ERBB3: variants seen among roughly 807,000 people sequenced by gnomAD.
ERBB3 encodes the protein receptor tyrosine-protein kinase erbB-3.
A neutral mutation model predicts 156.7 loss-of-function variants in ERBB3; 96 were observed. The observed-to-expected ratio is 0.61, with a 90% confidence interval of 0.52 to 0.73. ERBB3 has a LOEUF of 0.73. ERBB3 is among the 30% of genes least tolerant of loss of function. ERBB3 has a pLI of 0.00. For synonymous variants in ERBB3, 567 were observed against 632.0 expected (o/e 0.90, Z 1.54); for missense variants, 1,406 against 1,709.4 (o/e 0.82, Z 3.13).
rs894723270 is a variant in ERBB3 at position 56,102,490 on chromosome 12, C to T, written c.*435C>T. 4.0e-6 allele frequency: 1 copy of T among 251,572 alleles called. No homozygotes were observed. The highest frequency in any genetic ancestry group is 5.8e-5 in the East Asian group (1 of 17,240). The allele number at this position is 251,572 out of a possible 1,614,324, so 15.6% of individuals were successfully genotyped here. ...GAAAGTGTAATTTTGGTTTATGACT[C>T]TTAACCCCCTAGAAAGACAGAAGCT... On this transcript the variant is annotated 3_prime_UTR_variant, in exon 28 of 28. Coordinates refer to ENST00000267101, the MANE Select transcript of ERBB3 (RefSeq NM_001982.4).
intron 9 of ERBB3, among the ~76,000 whole-genome samples, chr12:56,090,493 AATT>A (rs1321108391): frequency 1.3e-5 from 2 of 152,006 alleles, no homozygotes; most frequent in African/African-American, 4.8e-5. Flanking sequence ...AAAATACAAA[AATT>A]AGCTGGGCGT....
intron 7 of ERBB3, 114 bp from the exon 8 acceptor site, chr12:56,088,429 T>C (rs937962577): frequency 1.0e-4 from 94 of 924,578 alleles, no homozygotes; most frequent in Middle Eastern, 2.5e-4. Context: ...GGGTGGCAGA[T>C]GGGGACAAAT....
chr12:56,080,433 A>G (rs777444727), intron 1 of ERBB3, 51 bp downstream of exon 1: 8 of 1,423,482 alleles, frequency 5.6e-6, no homozygotes, highest in Non-Finnish European at 7.8e-6. Flanking sequence ...GCCGGAACCC[A>G]GTGCGCGCAG....
At chr12:56,086,063 CAAAAAA>C (rs56926853) in intron 3 of ERBB3, among the ~76,000 whole-genome samples, 4 of 89,420 alleles carry the variant, frequency 4.5e-5, no homozygotes, top group Admixed American at 3.9e-4. Context: ...AGCGAGACTC[CAAAAAA>C]AAAAAAAAAA....
chr12:56,091,856 A>G (rs1868724068), intron 9 of ERBB3, among the ~76,000 whole-genome samples: 1 of 152,128 alleles, frequency 6.6e-6, no homozygotes. Context: ...ATAGTTGCCA[A>G]ATGATAATTT....
At position 56,093,205 on chromosome 12, in the gene ERBB3, C is replaced by T. The variant is rs112882897; in HGVS notation, c.1274+129C>T. The T allele has an allele frequency of 7.8e-5, 91 of 1,165,948 alleles. No homozygotes were observed. The African/African-American group carries it at 9.5e-4, about 12-fold the overall frequency. The allele number at this position is 1,165,948 out of a possible 1,614,324, so 72.2% of individuals were successfully genotyped here. ...AAAACCAAAGGGTTTCAGAGTTTCACGAGGAAAAGGCAAAAGGAGGGGGAT... is the reference window on the plus strand; with the variant it reads ...AAAACCAAAGGGTTTCAGAGTTTCATGAGGAAAAGGCAAAAGGAGGGGGAT... On this transcript the variant is annotated intron_variant, in intron 11 of 27. Coordinates refer to ENST00000267101, the MANE Select transcript of ERBB3 (RefSeq NM_001982.4).
chr12:56,097,109 G>T lies in ERBB3; in HGVS notation c.2339G>T (p.Gly780Val), dbSNP rs202221237. 6.2e-7 allele frequency: 1 copy of T among 1,614,088 alleles called. No individual in the cohort carries two copies. The highest frequency in any genetic ancestry group is 8.5e-7 in the Non-Finnish European group (1 of 1,180,010). ...HIVRLLGLCPGSSLQLVTQYL... is the reference protein window; with the variant it reads ...HIVRLLGLCPVSSLQLVTQYL... ...GTAAGGCTGCTGGGACTATGCCCAG[G>T]GTCATCTCTGCAGCTTGTCACTCAA... Residue 780 changes from glycine to valine, a missense_variant, in exon 20 of 28, where the codon GGG becomes GTG. Transcript: ENST00000267101.
Position 56,093,528 on chromosome 12 carries a change from T to C in ERBB3, c.1458T>C (p.His486=), listed in dbSNP as rs2136810144. 1.9e-6 allele frequency: 3 copies of C among 1,612,314 alleles called. No homozygotes were observed. The highest frequency in any genetic ancestry group is 2.5e-6 in the Non-Finnish European group (3 of 1,179,704). The change falls in exon 12 of 28, where the codon CAT becomes CAC. Residue 486 remains histidine (H), a synonymous_variant. Transcript: ENST00000267101. ...GPTEERLDIK[H]NRPRRDCVAE... is the part of the protein sequence containing the mutation. ...CGGAAGAGCGACTAGACATCAAGCA[T>C]AATCGGCCGCGCAGAGACTGCGGTG... is the stretch of plus-strand genomic sequence containing the variant.
chr12:56,085,947 T>C (rs1463301811), intron 3 of ERBB3, among the ~76,000 whole-genome samples: 1 of 150,290 alleles, frequency 6.7e-6, no homozygotes, highest in Non-Finnish European at 1.5e-5. Flanking sequence ...CGGGCGCCTG[T>C]AGTCCGAGCT....
At chr12:56,083,987 C>T in intron 2 of ERBB3, 85 bp downstream of exon 2, 1 of 1,341,482 alleles carries the variant, frequency 7.5e-7, no homozygotes, top group Non-Finnish European at 1.1e-6. Context: ...CTACCTTCTG[C>T]TGGAGTTCAC....
chr12:56,095,966 C>T (rs1182969759), intron 17 of ERBB3, 160 bp downstream of exon 17: 5 of 783,476 alleles, frequency 6.4e-6, no homozygotes, highest in Non-Finnish European at 1.1e-5. Context: ...TCCCTTTCTT[C>T]AAGGAAGTAG....
At chr12:56,101,460 AATT>A in intron 27 of ERBB3, 66 bp from the exon 28 acceptor site, 1 of 1,596,116 alleles carries the variant, frequency 6.3e-7, no homozygotes, top group Non-Finnish European at 8.6e-7. Flanking sequence ...CTGTCCTATT[AATT>A]TTTTCAAACT....
Position 56,093,876 on chromosome 12 carries a change from C to T in ERBB3, c.1593C>T (p.Thr531=). Residue 531 remains threonine (T), a synonymous_variant, in exon 13 of 28, where the codon ACC becomes ACT. Transcript: ENST00000267101. The stretch of plus-strand genomic sequence containing the variant: ...ATAGCCGAGGAGGTGTCTGTGTGAC[C>T]CACTGCAACTTTCTGAATGGGTACA... ...RNYSRGGVCV[T]HCNFLNGEPR... The T allele has an allele frequency of 6.2e-7, 1 of 1,613,972 alleles. No individual in the cohort carries two copies. Among genetic ancestry groups the T allele is most frequent in the Non-Finnish European group, 8.5e-7 (1 of 1,179,982 alleles).
chr12:56,092,595 A>T (rs1161036599), intron 9 of ERBB3, 152 bp from the exon 10 acceptor site: 89 of 680,764 alleles, frequency 1.3e-4, no homozygotes, highest in Middle Eastern at 4.0e-4. Flanking sequence ...CTCTGGGCTT[A>T]TATTATATTT....
At chr12:56,098,162 C>A in intron 21 of ERBB3, 1 of 577,930 alleles carries the variant, frequency 1.7e-6, no homozygotes, top group Non-Finnish European at 3.1e-6. Context: ...CCCAACACTT[C>A]GGGAGGCCAA....
rs974805671 is a variant in ERBB3, at chr12:56,095,734, C to T, written c.1983C>T (p.Gly661=). ...TAGTGATTTTCATGATGCTGGGCGGCACTTTTCTCTACTGGCGTGGGCGCC... is the reference window on the plus strand; with the variant it reads ...TAGTGATTTTCATGATGCTGGGCGGTACTTTTCTCTACTGGCGTGGGCGCC... ...GLVVIFMMLG[G]TFLYWRGRRI... The change falls in exon 17 of 28, where the codon GGC becomes GGT. Residue 661 remains glycine, a synonymous_variant. Transcript: ENST00000267101. The T allele has an allele frequency of 2.5e-6, 4 of 1,614,076 alleles. No homozygotes were observed. The African/African-American group carries it at 5.3e-5, about 22-fold the overall frequency.
chr12:56,088,609 A>G lies in ERBB3; in HGVS notation c.941A>G (p.Lys314Arg), dbSNP rs137870123. 9 of 1,614,170 alleles carry G rather than the reference A, an allele frequency of 5.6e-6. No individual in the cohort carries two copies. The highest frequency in any genetic ancestry group is 7.6e-6 in the Non-Finnish European group (9 of 1,180,006). The change falls in exon 8 of 28, where the codon AAA (lysine) becomes AGA (arginine). Residue 314 changes from lysine to arginine, a missense_variant. Physicochemically the swap from Lys to Arg is conservative, Grantham distance 26. Transcript: ENST00000267101. ...ACPPDKMEVDKNGLKMCEPCG... is the reference protein window; with the variant it reads ...ACPPDKMEVDRNGLKMCEPCG... ...CCTCCTGACAAGATGGAAGTAGATA[A>G]AAATGGGCTCAAGATGTGTGAGCCT...
intron 11 of ERBB3, 32 bp downstream of exon 11, chr12:56,093,108 T>G: frequency 6.7e-7 from 1 of 1,502,082 alleles, no homozygotes; most frequent in Non-Finnish European, 9.3e-7. Context: ...AATGGCATCT[T>G]CAGGCAATGA....
rs773745272 is a variant in ERBB3, at chr12:56,095,638, A to G, written c.1914-27A>G. ...TGTAAGGAAGATGCAAACCCAGGAT[A>G]ATGTTGGGTTTCTATATATCCCATA... On this transcript the variant is annotated intron_variant, in intron 16 of 27. Coordinates refer to ENST00000267101, the MANE Select transcript of ERBB3 (RefSeq NM_001982.4). 3 of 1,612,770 alleles carry G rather than the reference A, an allele frequency of 1.9e-6. No individual in the cohort carries two copies. In the South Asian group the frequency reaches 3.3e-5, roughly 18 times the overall value.
Sources: gnomAD v4.1 joint callset for allele counts (sites outside exome capture counted in the v4.1 genomes callset) on GRCh38, gnomAD v4.1.1 for gene constraint, MANE v1.5 for transcripts, NCBI Gene and HGNC (gene_info 2026-07-23, HGNC 2026-07-21) for gene names.